TAF4B: variants seen among roughly 807,000 people sequenced by gnomAD.
TAF4B encodes transcription initiation factor TFIID subunit 4B.
In TAF4B, 38 loss-of-function variants were observed where a neutral mutation model predicts 86.4. That is an observed-to-expected ratio of 0.44 (90% CI 0.34 to 0.58). The LOEUF (loss-of-function observed/expected upper bound fraction) is 0.58. Among genes scored for constraint, TAF4B ranks in the 20% least tolerant of loss-of-function variants. The pLI is 0.02. For missense variants in TAF4B, 988 were observed against 1,027.6 expected (o/e 0.96, Z 0.53); for synonymous variants, 388 against 391.2 (o/e 0.99, Z 0.10).
At chr18:26,292,183 A>G in intron 7 of TAF4B, 63 bp from the exon 8 acceptor site, 2 of 1,535,806 alleles carry the variant, frequency 1.3e-6, no homozygotes, top group Non-Finnish European at 1.7e-6. Context: ...TTTAAAACTG[A>G]AATCTTATCC....
chr18:26,346,773 ATGTGTGTG>A (rs756189495), intron 13 of TAF4B, among the ~76,000 whole-genome samples: 2,744 of 23,072 alleles, frequency 0.12, 324 homozygotes, highest in African/African-American at 0.13. Context: ...ATATATATAT[ATGTGTGTG>A]TATATATATA....
rs60078997 is a variant in TAF4B, at chr18:26,237,891, A to G, written c.343+10615A>G. ...TCCCAGGGGCTTAGGATACATTTCA[A>G]GGGTGAGCCTGTTGATGCCTGAGCG... On this transcript the variant is annotated intron_variant, in intron 1 of 14. Coordinates refer to ENST00000269142, the MANE Select transcript of TAF4B (RefSeq NM_005640.3). Among the ~76,000 whole-genome samples the G allele has an allele frequency of 1.0e-2, 1,519 of 152,246 alleles. 13 individuals carry two copies. Among genetic ancestry groups the G allele is most frequent in the African/African-American group, 0.034 (1,413 of 41,554 alleles).
intron 1 of TAF4B, among the ~76,000 whole-genome samples, chr18:26,253,544 G>A (rs1884574958): frequency 6.6e-6 from 1 of 152,166 alleles, no homozygotes; most frequent in Non-Finnish European, 1.5e-5. Context: ...GTTTTCTTGT[G>A]ATGTCCTTGT....
At chr18:26,241,517 G>C (rs2055838506) in intron 1 of TAF4B, among the ~76,000 whole-genome samples, 1 of 151,964 alleles carries the variant, frequency 6.6e-6, no homozygotes, top group East Asian at 1.9e-4. Flanking sequence ...TAATTTTGTT[G>C]ATCTTTTCAA....
At chr18:26,326,965 T>A (rs779907817) in intron 11 of TAF4B, 50 bp from the exon 12 acceptor site, 17 of 1,583,416 alleles carry the variant, frequency 1.1e-5, no homozygotes, top group Non-Finnish European at 1.4e-5. Context: ...TAATGTAGAA[T>A]GTGTGGCCCA....
intron 3 of TAF4B, among the ~76,000 whole-genome samples, chr18:26,273,714 T>A (rs2056348646): frequency 6.6e-6 from 1 of 152,178 alleles, no homozygotes; most frequent in Non-Finnish European, 1.5e-5. Context: ...TTTTTTACCC[T>A]CAGAACATTC....
chr18:26,346,787 ATATATATATATGTG>A (rs1567913693), intron 13 of TAF4B, among the ~76,000 whole-genome samples: 271 of 24,104 alleles, frequency 0.011, 42 homozygotes, highest in African/African-American at 0.021. Context: ...GTGTGTATAT[ATATATATATATGTG>A]TATATATATA....
At chr18:26,272,758 T>C (rs2144559916) in intron 3 of TAF4B, among the ~76,000 whole-genome samples, 1 of 152,204 alleles carries the variant, frequency 6.6e-6, no homozygotes, top group East Asian at 1.9e-4. Flanking sequence ...AAGAGGCTTA[T>C]TTACTGTATA....
chr18:26,243,459 T>C (rs2055873737), intron 1 of TAF4B, among the ~76,000 whole-genome samples: 1 of 152,102 alleles, frequency 6.6e-6, no homozygotes, highest in African/African-American at 2.4e-5. Flanking sequence ...TTCTACACTG[T>C]TTATTCTAGT....
At chr18:26,319,891 A>G (rs1265110969) in intron 10 of TAF4B, among the ~76,000 whole-genome samples, 2 of 152,130 alleles carry the variant, frequency 1.3e-5, no homozygotes, top group African/African-American at 4.8e-5. Context: ...TGCCTGGCCT[A>G]TGCTGAGGGT....
intron 7 of TAF4B, among the ~76,000 whole-genome samples, chr18:26,290,347 A>G (rs1403866294): frequency 6.6e-6 from 1 of 152,170 alleles, no homozygotes; most frequent in Admixed American, 6.5e-5. Flanking sequence ...GGGTCTTGCT[A>G]TATTGCCCAG....
chr18:26,229,893 A>T (rs1321190539), intron 1 of TAF4B, among the ~76,000 whole-genome samples: 1 of 152,056 alleles, frequency 6.6e-6, no homozygotes. Flanking sequence ...TTTCAAGATA[A>T]TGAATACTTT....
chr18:26,309,906 A>G (rs1421005176), intron 9 of TAF4B, among the ~76,000 whole-genome samples: 1 of 151,958 alleles, frequency 6.6e-6, no homozygotes, highest in Non-Finnish European at 1.5e-5. Flanking sequence ...TCAGTTGCAA[A>G]CTCTGCCTCC....
intron 1 of TAF4B, 148 bp from the exon 2 acceptor site, chr18:26,265,022 A>G (rs963972414): frequency 2.7e-6 from 2 of 751,474 alleles, no homozygotes; most frequent in Non-Finnish European, 4.1e-6. Context: ...ACATTTGTTC[A>G]TCTTTGTATA....
chr18:26,376,344 A>T (rs898354763), intron 14 of TAF4B, among the ~76,000 whole-genome samples: 2 of 152,006 alleles, frequency 1.3e-5, no homozygotes, highest in African/African-American at 4.8e-5. Flanking sequence ...GATATTCCTC[A>T]GTTTCTTTCA....
intron 13 of TAF4B, among the ~76,000 whole-genome samples, chr18:26,335,545 GTACAATAGGC>G (rs2057083948): frequency 6.6e-6 from 1 of 152,186 alleles, no homozygotes; most frequent in African/African-American, 2.4e-5. Flanking sequence ...ATCTGGGACT[GTACAATAGGC>G]TACATTTTTC....
At chr18:26,231,936 G>T (rs2084285) in intron 1 of TAF4B, among the ~76,000 whole-genome samples, 1 of 151,886 alleles carries the variant, frequency 6.6e-6, no homozygotes, top group South Asian at 2.1e-4. Context: ...TTTCCTATCC[G>T]AGTGCACTTT....
At chr18:26,358,919 C>T (rs1038981940) in intron 14 of TAF4B, among the ~76,000 whole-genome samples, 1 of 152,124 alleles carries the variant, frequency 6.6e-6, no homozygotes, top group Non-Finnish European at 1.5e-5. Flanking sequence ...TCTAAATGAA[C>T]GCCACTCACC....
At chr18:26,336,023 G>A (rs1192496393) in intron 13 of TAF4B, among the ~76,000 whole-genome samples, 1 of 152,178 alleles carries the variant, frequency 6.6e-6, no homozygotes, top group Non-Finnish European at 1.5e-5. Flanking sequence ...TGAAGGTGCA[G>A]TGTGTGTATG....
Sources: allele counts gnomAD v4.1 joint callset (sites outside exome capture counted in the v4.1 genomes callset), GRCh38; gene constraint gnomAD v4.1.1; transcripts MANE v1.5; gene names NCBI Gene and HGNC (gene_info 2026-07-23, HGNC 2026-07-21).